The following BAZ1A variants were observed in gnomAD, a reference collection of about 807,000 sequenced individuals.
The protein encoded by BAZ1A is bromodomain adjacent to zinc finger domain 1A.
BAZ1A carries 50 observed loss-of-function variants against 185.2 expected under a neutral mutation model. That is an observed-to-expected ratio of 0.27 (90% CI 0.22 to 0.34). The LOEUF (loss-of-function observed/expected upper bound fraction) is 0.34, where lower values mean the gene tolerates loss of function less well. BAZ1A is among the 10% of genes least tolerant of loss of function. The pLI is 1.00. For missense variants in BAZ1A, 1,356 were observed against 1,839.9 expected (o/e 0.74, Z 4.81); for synonymous variants, 571 against 615.6 (o/e 0.93, Z 1.07).
intron 3 of BAZ1A, among the ~76,000 whole-genome samples, chr14:34,860,898 C>T (rs960006911): frequency 2.1e-5 from 3 of 143,560 alleles, no homozygotes; most frequent in Non-Finnish European, 4.6e-5. Context: ...AACTCCGTCT[C>T]AAAAAAAAAA....
rs191081702 is a variant in BAZ1A at position 34,804,678 on chromosome 14, T to C, written c.727-1690A>G. 1.7e-3 allele frequency among the ~76,000 whole-genome samples: 262 copies of C among 152,310 alleles called. 1 individual carries two copies. The highest frequency in any genetic ancestry group is 5.9e-3 in the African/African-American group (245 of 41,566). ...TGGGGTAACAGGATTATCTACAGAA[T>C]AGAATTATGTAATTGTCTACAGAAT... On this transcript the variant is annotated intron_variant, in intron 6 of 26. Coordinates refer to ENST00000360310, the MANE Select transcript of BAZ1A (RefSeq NM_013448.3).
chr14:34,805,067 G>A (rs1881782467), intron 6 of BAZ1A, among the ~76,000 whole-genome samples: 1 of 152,126 alleles, frequency 6.6e-6, no homozygotes, highest in Non-Finnish European at 1.5e-5. Flanking sequence ...TTGTTTGAAT[G>A]TAGCACCTCC....
chr14:34,806,742 T>C (rs976468957), intron 6 of BAZ1A, among the ~76,000 whole-genome samples: 1 of 151,764 alleles, frequency 6.6e-6, no homozygotes, highest in Non-Finnish European at 1.5e-5. Context: ...TTTATTTTTA[T>C]TTATTATTAT....
intron 10 of BAZ1A, among the ~76,000 whole-genome samples, chr14:34,795,386 A>T (rs1334666292): frequency 6.6e-6 from 1 of 152,228 alleles, no homozygotes; most frequent in African/African-American, 2.4e-5. Flanking sequence ...CTTACCTAGC[A>T]ATCAAGCTAA....
At chr14:34,846,306 G>C (rs1041868378) in intron 3 of BAZ1A, among the ~76,000 whole-genome samples, 1 of 152,162 alleles carries the variant, frequency 6.6e-6, no homozygotes, top group African/African-American at 2.4e-5. Flanking sequence ...TCCTGGTGGA[G>C]ACTCAGCTGA....
chr14:34,814,328 C>CA (rs1162791920), intron 4 of BAZ1A, among the ~76,000 whole-genome samples: 2 of 151,518 alleles, frequency 1.3e-5, no homozygotes, highest in Non-Finnish European at 1.5e-5. Context: ...ATTAAATACA[C>CA]AAAAAATCTT....
chr14:34,797,411 T>C (rs1881257409), intron 9 of BAZ1A, among the ~76,000 whole-genome samples: 1 of 151,900 alleles, frequency 6.6e-6, no homozygotes, highest in African/African-American at 2.4e-5. Flanking sequence ...ATACAAAAAT[T>C]AGCCAGGCGT....
rs1245960950 is a variant in BAZ1A, at chr14:34,802,994, T to TA, written c.727-7dup. ...TACGTTGAAAGAGATGATGCCTTAA[T>TA]AAAACAAAGACATAGGGTACAATAA... On this transcript the variant is annotated splice_polypyrimidine_tract_variant and splice_region_variant and intron_variant, in intron 6 of 26. Transcript: ENST00000360310. 1 of 1,605,904 alleles carries TA rather than the reference T, an allele frequency of 6.2e-7. No individual in the cohort carries two copies. The highest frequency in any genetic ancestry group is 1.3e-5 in the African/African-American group (1 of 74,736).
At chr14:34,774,284 A>G (rs1879443705) in intron 19 of BAZ1A, 43 bp downstream of exon 19, 1 of 1,548,018 alleles carries the variant, frequency 6.5e-7, no homozygotes, top group South Asian at 1.3e-5. Context: ...AAAATTCTGG[A>G]CCAAGTAGAT....
At chr14:34,846,474 TG>T (rs2042513938) in intron 3 of BAZ1A, among the ~76,000 whole-genome samples, 1 of 152,218 alleles carries the variant, frequency 6.6e-6, no homozygotes, top group African/African-American at 2.4e-5. Context: ...GAAATTTGTA[TG>T]GTAAGTCTAA....
At chr14:34,860,628 C>G (rs557274249) in intron 3 of BAZ1A, among the ~76,000 whole-genome samples, 1 of 151,694 alleles carries the variant, frequency 6.6e-6, no homozygotes, top group South Asian at 2.1e-4. Context: ...AGCCTTAGGC[C>G]AAGCGCAGTG....
chr14:34,862,581 C>T (rs1314196484), intron 2 of BAZ1A, among the ~76,000 whole-genome samples: 1 of 151,866 alleles, frequency 6.6e-6, no homozygotes, highest in Non-Finnish European at 1.5e-5. Flanking sequence ...GTTCCATCTG[C>T]TTTTCAGTGA....
intron 3 of BAZ1A, among the ~76,000 whole-genome samples, chr14:34,841,523 G>C (rs2042414375): frequency 6.6e-6 from 1 of 152,098 alleles, no homozygotes; most frequent in South Asian, 2.1e-4. Context: ...TCAAGTAGCT[G>C]GGATTACAGG....
chr14:34,794,084 A>G (rs1315058422), intron 11 of BAZ1A, among the ~76,000 whole-genome samples: 1 of 152,146 alleles, frequency 6.6e-6, no homozygotes, highest in African/African-American at 2.4e-5. Context: ...GTGAGCCGAG[A>G]TTGCGCCACT....
intron 26 of BAZ1A, among the ~76,000 whole-genome samples, chr14:34,753,961 T>C (rs1886128321): frequency 6.7e-6 from 1 of 149,590 alleles, no homozygotes; most frequent in African/African-American, 2.5e-5. Context: ...CTACAAAAAA[T>C]ACAAAAATTA....
chr14:34,774,635 A>G lies in BAZ1A; in HGVS notation c.2834-145T>C, dbSNP rs1879466515. ...CACAAATGAATGAATGAATGAATGA[A>G]TATCATTTATCTTATAAAGCCCTTG... On this transcript the variant is annotated intron_variant, in intron 18 of 26. Transcript: ENST00000360310. 4.4e-6 allele frequency: 3 copies of G among 679,586 alleles called. No individual in the cohort carries two copies. The East Asian group carries it at 8.7e-5, about 20-fold the overall frequency. The allele number at this position is 679,586 out of a possible 1,614,324, so 42.1% of individuals were successfully genotyped here. A position where few individuals can be genotyped will look rare whatever the true frequency, so the allele number is the denominator to read the frequency against.
intron 6 of BAZ1A, among the ~76,000 whole-genome samples, chr14:34,806,518 C>T (rs2749983): frequency 0.86 from 130,565 of 152,014 alleles, 57,108 homozygotes; most frequent in Non-Finnish European, 0.96. Flanking sequence ...TAGCTGGGAC[C>T]ACAGGCATGA....
rs1425431443 is a variant in BAZ1A at position 34,874,960 on chromosome 14, C to G, written c.-59+178G>C. 1 of 150,862 alleles carries G rather than the reference C, an allele frequency of 6.6e-6. No homozygotes were observed. Among genetic ancestry groups the G allele is most frequent in the Non-Finnish European group, 1.5e-5 (1 of 68,044 alleles). 9.3% of individuals were successfully genotyped at this position (150,862 alleles called of 1,614,324 possible). A position where few individuals can be genotyped will look rare whatever the true frequency, so the allele number is the denominator to read the frequency against. Reference sequence around the variant, plus strand: ...CGGCGGCGGCCCCCTCCCCCAGCGCCGGCTCCTCGCCCGCCGCCGCCGCCA... The same window carrying G: ...CGGCGGCGGCCCCCTCCCCCAGCGCGGGCTCCTCGCCCGCCGCCGCCGCCA... On this transcript the variant is annotated intron_variant, in intron 1 of 26. Coordinates refer to ENST00000360310, the MANE Select transcript of BAZ1A (RefSeq NM_013448.3). This position sits in a 1 kb window ranked among gnomAD's most constrained non-coding sequence, Gnocchi z 4.7.
At chr14:34,794,634 C>G in intron 11 of BAZ1A, 115 bp downstream of exon 11, 4 of 1,047,262 alleles carry the variant, frequency 3.8e-6, no homozygotes, top group Non-Finnish European at 5.5e-6. Flanking sequence ...TCTAGCCAGA[C>G]CAGAGAGATC....
Sources: allele counts gnomAD v4.1 joint callset (sites outside exome capture counted in the v4.1 genomes callset), GRCh38; gene constraint gnomAD v4.1.1; non-coding constraint Gnocchi (gnomAD v3.1); transcripts MANE v1.5; gene names NCBI Gene and HGNC (gene_info 2026-07-23, HGNC 2026-07-21).